The following RFTN1 variants were observed in gnomAD, a reference collection of about 807,000 sequenced individuals.
RFTN1 encodes raftlin, lipid raft linker 1.
Under a neutral mutation model 46.5 loss-of-function variants are expected in RFTN1, and 26 were observed. The ratio of observed to expected loss-of-function variants is 0.56; its 90% CI spans 0.41 to 0.78. The LOEUF (loss-of-function observed/expected upper bound fraction) is 0.78. Among genes scored for constraint, RFTN1 ranks in the 30% least tolerant of loss-of-function variants. The pLI is 0.00. For synonymous variants in RFTN1, 261 were observed against 284.2 expected, an observed-to-expected ratio of 0.92 and a Z score of 0.82; for missense variants, 693 against 718.7, an observed-to-expected ratio of 0.96 and a Z score of 0.41.
chr3:16,391,073 C>T (rs1172533943), intron 4 of RFTN1, among the ~76,000 whole-genome samples: 1 of 152,068 alleles, frequency 6.6e-6, no homozygotes, highest in Non-Finnish European at 1.5e-5. Context: ...TCAATACCAC[C>T]ACTATCACCT....
chr3:16,411,801 A>T (rs1398320945), intron 3 of RFTN1, among the ~76,000 whole-genome samples: 1 of 152,230 alleles, frequency 6.6e-6, no homozygotes, highest in Non-Finnish European at 1.5e-5. Context: ...AACAGGCTAT[A>T]TGAGGTTATT....
intron 2 of RFTN1, among the ~76,000 whole-genome samples, chr3:16,471,508 T>A (rs1172733341): frequency 6.6e-6 from 1 of 152,132 alleles, no homozygotes; most frequent in African/African-American, 2.4e-5. Context: ...TGGTGCACAG[T>A]CGAGTGCTTA....
At chr3:16,482,609 A>G (rs2076385525) in intron 2 of RFTN1, 3 of 789,970 alleles carry the variant, frequency 3.8e-6, no homozygotes, top group Non-Finnish European at 6.4e-6. Flanking sequence ...CCACGGGCAC[A>G]TTAGGTAACC....
chr3:16,398,074 G>A (rs909351124), intron 4 of RFTN1, among the ~76,000 whole-genome samples: 7 of 151,660 alleles, frequency 4.6e-5, no homozygotes, highest in East Asian at 1.9e-4. Flanking sequence ...GTGAAACCCC[G>A]TCTCTACTAA....
chr3:16,461,795 C>T (rs2076011781), intron 2 of RFTN1, among the ~76,000 whole-genome samples: 1 of 152,218 alleles, frequency 6.6e-6, no homozygotes, highest in Admixed American at 6.5e-5. Flanking sequence ...CCTTCCAGTA[C>T]ACACACCTTA....
At chr3:16,333,500 T>G (rs1321570943) in intron 7 of RFTN1, among the ~76,000 whole-genome samples, 2 of 152,236 alleles carry the variant, frequency 1.3e-5, no homozygotes, top group African/African-American at 2.4e-5. Context: ...TCCTTTAGTT[T>G]CATTTCATGA....
In RFTN1 at chr3:16,345,809, TGTGTGTGTGCGCGCGCGC is replaced by T. The variant is rs1183783520; in HGVS notation, c.1146+12105_1146+12122del. Among the ~76,000 whole-genome samples the T allele has an allele frequency of 2.3e-5, 2 of 85,798 alleles. No homozygotes were observed. The highest frequency in any genetic ancestry group is 1.1e-4 in the Admixed American group (1 of 9,398). The allele number at this position is 85,798 out of a possible 152,430, so 56.3% of individuals were successfully genotyped here. A position where few individuals can be genotyped will look rare whatever the true frequency, so the allele number is the denominator to read the frequency against. ...ATCTCTGTGTGTGTGTGTGTGTGTG[TGTGTGTGTGCGCGCGCGC>T]GTGCGCGCACGCGCACATGTGCATG... On this transcript the variant is annotated intron_variant, in intron 7 of 9. Coordinates refer to ENST00000334133, the MANE Select transcript of RFTN1 (RefSeq NM_015150.2). This position sits in a 1 kb window ranked among gnomAD's most constrained non-coding sequence, Gnocchi z 5.2.
At position 16,337,202 on chromosome 3, in the gene RFTN1, C is replaced by G. The variant is rs2070939366; in HGVS notation, c.1147-10326G>C. On this transcript the variant is annotated intron_variant, in intron 7 of 9. Coordinates refer to ENST00000334133, the MANE Select transcript of RFTN1 (RefSeq NM_015150.2). This position sits in a 1 kb window ranked among gnomAD's most constrained non-coding sequence, Gnocchi z 5.0. The stretch of plus-strand genomic sequence containing the variant: ...TGCTAAGCAGCAGACGTGAGAGATG[C>G]CATCTTGGAGCTGCTAGCTGTGGTC... The G allele has an allele frequency of 6.6e-6, 1 of 152,164 alleles. No homozygotes were observed. Among genetic ancestry groups the G allele is most frequent in the Admixed American group, 6.5e-5 (1 of 15,280 alleles). The allele number at this position is 152,164 out of a possible 1,614,324, so 9.4% of individuals were successfully genotyped here. A position where few individuals can be genotyped will look rare whatever the true frequency, so the allele number is the denominator to read the frequency against.
chr3:16,407,000 T>A (rs2074873249), intron 4 of RFTN1, among the ~76,000 whole-genome samples: 1 of 152,164 alleles, frequency 6.6e-6, no homozygotes, highest in Admixed American at 6.5e-5. Context: ...ATAAAAACCC[T>A]AACTTTGAGG....
intron 2 of RFTN1, chr3:16,434,563 A>T (rs2075464681): frequency 6.5e-6 from 1 of 152,762 alleles, no homozygotes; most frequent in Admixed American, 6.5e-5. Context: ...TCAAAAATGA[A>T]ATAAAATAAA....
intron 2 of RFTN1, 114 bp downstream of exon 2, chr3:16,493,611 T>G: frequency 2.0e-5 from 20 of 1,015,796 alleles, no homozygotes; most frequent in Middle Eastern, 6.7e-4. Flanking sequence ...GGCCTGCCCT[T>G]TTCATTTCTT....
At position 16,480,706 on chromosome 3, in the gene RFTN1, T is replaced by C. The variant is rs1225640806; in HGVS notation, c.145+13019A>G. Among the ~76,000 whole-genome samples the C allele has an allele frequency of 6.6e-6, 1 of 152,184 alleles. No homozygotes were observed. The highest frequency in any genetic ancestry group is 2.4e-5 in the African/African-American group (1 of 41,456). ...ATATGGTCAAACTATAAAATGACAG[T>C]GGACCCAGTGAAATTAGAGAAAGCT... On this transcript the variant is annotated intron_variant, in intron 2 of 9. Transcript: ENST00000334133. The surrounding 1 kb of genome is among the most constrained non-coding windows in gnomAD (Gnocchi z 4.3).
chr3:16,377,253 C>CGAA (rs981400928), intron 5 of RFTN1, among the ~76,000 whole-genome samples: 3 of 152,022 alleles, frequency 2.0e-5, no homozygotes, highest in Non-Finnish European at 4.4e-5. Context: ...TTCATATGCC[C>CGAA]GAACTGCCTA....
rs558751450 is a variant in RFTN1 at position 16,356,983 on chromosome 3, C to T, written c.1146+949G>A. Among the ~76,000 whole-genome samples, 10 of 152,060 alleles carry T rather than the reference C, an allele frequency of 6.6e-5. No homozygotes were observed. In the East Asian group the frequency reaches 1.2e-3, roughly 18 times the overall value. ...TACAAAAATTAGCTGGGTGTGGTGG[C>T]GGGTGCCTGTAGTCCCAGCTACTCT... On this transcript the variant is annotated intron_variant, in intron 7 of 9. Coordinates refer to ENST00000334133, the MANE Select transcript of RFTN1 (RefSeq NM_015150.2). This position sits in a 1 kb window ranked among gnomAD's most constrained non-coding sequence, Gnocchi z 4.9.
In RFTN1 at chr3:16,400,256, C is replaced by A. The variant is rs1055103417; in HGVS notation, c.441+9119G>T. 2.0e-5 allele frequency among the ~76,000 whole-genome samples: 3 copies of A among 152,178 alleles called. No homozygotes were observed. Among genetic ancestry groups the A allele is most frequent in the African/African-American group, 4.8e-5 (2 of 41,434 alleles). Reference sequence around the variant, plus strand: ...ACTCCCTTCTGCTCCTCAAACCAAACTTACTCCCTCCCACCTTGGCTTTGT... The same window carrying A: ...ACTCCCTTCTGCTCCTCAAACCAAAATTACTCCCTCCCACCTTGGCTTTGT... On this transcript the variant is annotated intron_variant, in intron 4 of 9. Transcript: ENST00000334133. This position sits in a 1 kb window ranked among gnomAD's most constrained non-coding sequence, Gnocchi z 4.5.
At chr3:16,357,889 G>A (rs369291631) in intron 7 of RFTN1, 43 bp downstream of exon 7, 1 of 1,205,706 alleles carries the variant, frequency 8.3e-7, no homozygotes, top group Non-Finnish European at 1.2e-6. Context: ...TAAAACAAGT[G>A]CTGTCTAAAC....
chr3:16,333,937 G>A (rs748746523), intron 7 of RFTN1, among the ~76,000 whole-genome samples: 27 of 152,044 alleles, frequency 1.8e-4, no homozygotes, highest in South Asian at 4.2e-4. Context: ...AGGCCGACGC[G>A]GGTAGAGCAC....
chr3:16,478,715 T>C (rs565102331), intron 2 of RFTN1, among the ~76,000 whole-genome samples: 1 of 152,196 alleles, frequency 6.6e-6, no homozygotes, highest in South Asian at 2.1e-4. Flanking sequence ...TCCAAGCTCA[T>C]GCACACAGTT....
chr3:16,317,422 GCAC>G lies in RFTN1; in HGVS notation c.1333-193_1333-191del, dbSNP rs2068526489. On this transcript the variant is annotated intron_variant, in intron 9 of 9. Coordinates refer to ENST00000334133, the MANE Select transcript of RFTN1 (RefSeq NM_015150.2). The surrounding 1 kb of genome is among the most constrained non-coding windows in gnomAD (Gnocchi z 4.3). ...CACATCACACCCACCCCAAGAGCCTGCACCACACCTTCCAGGATGTGTATTTTA... is the reference window on the plus strand; with the variant it reads ...CACATCACACCCACCCCAAGAGCCTGCACACCTTCCAGGATGTGTATTTTA... Among the ~76,000 whole-genome samples, 2 of 152,040 alleles carry G rather than the reference GCAC, an allele frequency of 1.3e-5. No individual in the cohort carries two copies. The highest frequency in any genetic ancestry group is 4.2e-4 in the South Asian group (2 of 4,818).
Sources: gnomAD v4.1 joint callset for allele counts (sites outside exome capture counted in the v4.1 genomes callset) on GRCh38, gnomAD v4.1.1 for gene constraint, Gnocchi (gnomAD v3.1) non-coding constraint, MANE v1.5 for transcripts, NCBI Gene and HGNC (gene_info 2026-07-23, HGNC 2026-07-21) for gene names.